Variants in HMGCLL1 observed in about 807,000 individuals in gnomAD.
HMGCLL1 encodes the protein 3-hydroxymethyl-3-methylglutaryl-CoA lyase, cytoplasmic.
A neutral mutation model predicts 39.1 loss-of-function variants in HMGCLL1; 36 were observed. That is an observed-to-expected ratio of 0.92 (90% confidence interval 0.71 to 1.22). The LOEUF (loss-of-function observed/expected upper bound fraction) is 1.22, where lower values mean the gene tolerates loss of function less well. HMGCLL1 is among the 50% of genes most tolerant of loss of function. HMGCLL1 has a pLI of 0.00. For missense variants in HMGCLL1, 451 were observed against 416.5 expected (o/e 1.08, Z -0.72); for synonymous variants, 149 against 144.0 (o/e 1.03, Z -0.25).
chr6:55,478,477 G>A (rs1447449079), intron 7 of HMGCLL1, among the ~76,000 whole-genome samples: 1 of 151,326 alleles, frequency 6.6e-6, no homozygotes, highest in African/African-American at 2.4e-5. Context: ...CACATTTACT[G>A]AGCAGTGACT....
chr6:55,483,198 G>A (rs1227926218), intron 7 of HMGCLL1, among the ~76,000 whole-genome samples: 1 of 151,966 alleles, frequency 6.6e-6, no homozygotes, highest in African/African-American at 2.4e-5. Context: ...GGATATTTGG[G>A]GGATGTAGTT....
the HMGCLL1 span, among the ~76,000 whole-genome samples, chr6:55,637,714 A>ATGTGTGTGTGTGTGTGTGTGTGTGTG: frequency 6.7e-6 from 1 of 148,592 alleles, no homozygotes; most frequent in African/African-American, 2.5e-5. Flanking sequence ...ATAATTTGAT[A>ATGTGTGTGTGTGTGTGTGTGTGTGTG]TGTGTGTGTG....
At position 55,508,027 on chromosome 6, in the gene HMGCLL1, A is replaced by C. The variant is rs1767257882; in HGVS notation, c.542+6021T>G. 2.6e-5 allele frequency among the ~76,000 whole-genome samples: 4 copies of C among 151,762 alleles called. No individual in the cohort carries two copies. The South Asian group carries it at 8.3e-4, about 31-fold the overall frequency. Reference sequence around the variant, plus strand: ...AGAATTTCAGAGCACTGGCCACATGAAATGACAGGTGAAAAAGGGATTCCA... The same window carrying C: ...AGAATTTCAGAGCACTGGCCACATGCAATGACAGGTGAAAAAGGGATTCCA... On this transcript the variant is annotated intron_variant, in intron 5 of 8. Transcript: ENST00000274901.
intron 7 of HMGCLL1, 65 bp downstream of exon 7, chr6:55,495,354 G>T: frequency 8.2e-7 from 1 of 1,218,274 alleles, no homozygotes; most frequent in Non-Finnish European, 1.2e-6. Flanking sequence ...CTTTCAGTAT[G>T]TTTATATTAC....
intron 1 of HMGCLL1, among the ~76,000 whole-genome samples, chr6:55,555,883 A>G (rs148655064): frequency 0.013 from 2,032 of 152,316 alleles, 31 homozygotes; most frequent in Non-Finnish European, 0.023. Flanking sequence ...AGTAGGTCCC[A>G]TGGTCTAACG....
intron 1 of HMGCLL1, among the ~76,000 whole-genome samples, chr6:55,566,175 G>A (rs1280364083): frequency 3.9e-5 from 6 of 152,094 alleles, no homozygotes; most frequent in Non-Finnish European, 8.8e-5. Context: ...GTGGGTTACA[G>A]ATGTATGAAA....
chr6:55,444,544 C>A (rs569197032), intron 7 of HMGCLL1, among the ~76,000 whole-genome samples: 35 of 151,970 alleles, frequency 2.3e-4, no homozygotes, highest in African/African-American at 7.9e-4. Flanking sequence ...AAGGGAAAAA[C>A]AGGTTAGAAG....
At chr6:55,561,174 T>C in intron 1 of HMGCLL1, among the ~76,000 whole-genome samples, 1 of 152,300 alleles carries the variant, frequency 6.6e-6, no homozygotes, top group South Asian at 2.1e-4. Context: ...ATGTAATGTT[T>C]ATCAAAATTA....
At chr6:55,449,918 C>T (rs1764007199) in intron 7 of HMGCLL1, among the ~76,000 whole-genome samples, 1 of 119,846 alleles carries the variant, frequency 8.3e-6, no homozygotes, top group Non-Finnish European at 1.8e-5. Flanking sequence ...TATATTGCTA[C>T]TATTTTTTTT....
the HMGCLL1 span, among the ~76,000 whole-genome samples, chr6:55,609,938 G>A: frequency 6.6e-6 from 1 of 152,224 alleles, no homozygotes; most frequent in Admixed American, 6.5e-5. Flanking sequence ...CCCTACAGAA[G>A]AGAGACCTGA....
intron 7 of HMGCLL1, among the ~76,000 whole-genome samples, chr6:55,482,621 T>A (rs969322882): frequency 6.6e-6 from 1 of 152,028 alleles, no homozygotes; most frequent in Non-Finnish European, 1.5e-5. Flanking sequence ...AAGTCATGGG[T>A]TTTGGTTACT....
chr6:55,438,402 G>T (rs1286429915), intron 8 of HMGCLL1, among the ~76,000 whole-genome samples: 1 of 152,020 alleles, frequency 6.6e-6, no homozygotes, highest in African/African-American at 2.4e-5. Flanking sequence ...TGCATGGGAA[G>T]ATAGACACAT....
At chr6:55,614,644 A>G in the HMGCLL1 span, among the ~76,000 whole-genome samples, 1 of 152,154 alleles carries the variant, frequency 6.6e-6, no homozygotes, top group African/African-American at 2.4e-5. Context: ...AGATGTCAAG[A>G]TATCTGTAAC....
At chr6:55,669,829 TA>T in the HMGCLL1 span, among the ~76,000 whole-genome samples, 1 of 151,888 alleles carries the variant, frequency 6.6e-6, no homozygotes, top group South Asian at 2.1e-4. Context: ...GAAAGATTTT[TA>T]AAAAATGAAC....
At chr6:55,545,044 A>G (rs1028519063) in intron 1 of HMGCLL1, among the ~76,000 whole-genome samples, 1 of 152,080 alleles carries the variant, frequency 6.6e-6, no homozygotes, top group Non-Finnish European at 1.5e-5. Context: ...CTTCTTTCTT[A>G]TTACCTCTAG....
intron 7 of HMGCLL1, among the ~76,000 whole-genome samples, chr6:55,462,366 C>A (rs1012473463): frequency 6.6e-6 from 1 of 152,034 alleles, no homozygotes; most frequent in South Asian, 2.1e-4. Flanking sequence ...GTCTTCAGTC[C>A]GTGGGTTTGT....
intron 3 of HMGCLL1, among the ~76,000 whole-genome samples, chr6:55,528,678 C>A (rs1218522600): frequency 6.6e-6 from 1 of 151,154 alleles, no homozygotes; most frequent in African/African-American, 2.4e-5. Context: ...TCTTGGCTGC[C>A]AAAGCTAAAA....
At chr6:55,521,442 G>C (rs1768038047) in intron 3 of HMGCLL1, among the ~76,000 whole-genome samples, 1 of 152,016 alleles carries the variant, frequency 6.6e-6, no homozygotes, top group Non-Finnish European at 1.5e-5. Flanking sequence ...GCTTGTGGGA[G>C]CTCTGAGTTG....
the HMGCLL1 span, among the ~76,000 whole-genome samples, chr6:55,632,029 G>A: frequency 6.6e-6 from 1 of 151,918 alleles, no homozygotes; most frequent in Admixed American, 6.6e-5. Flanking sequence ...AGGTTTTTTT[G>A]TTTGTTTGTT....
Sources: gnomAD v4.1 joint callset for allele counts (sites outside exome capture counted in the v4.1 genomes callset) on GRCh38, gnomAD v4.1.1 for gene constraint, MANE v1.5 for transcripts, NCBI Gene and HGNC (gene_info 2026-07-23, HGNC 2026-07-21) for gene names.